Variants in LRRC7 observed in about 807,000 individuals in gnomAD.
LRRC7 encodes the protein leucine rich repeat containing 7.
Under a neutral mutation model 175.7 loss-of-function variants are expected in LRRC7, and 23 were observed. The ratio of observed to expected loss-of-function variants is 0.13; its 90% confidence interval spans 0.09 to 0.19. LRRC7 has a LOEUF of 0.19. LRRC7 is among the 10% of genes least tolerant of loss of function. The probability of loss-of-function intolerance (pLI) is 1.00; values close to 1 mark genes in which losing one functional copy is unlikely to be tolerated. For synonymous variants in LRRC7, 685 were observed against 680.9 expected, an observed-to-expected ratio of 1.01 and a Z score of -0.09; for missense variants, 1,354 against 1,904.7, an observed-to-expected ratio of 0.71 and a Z score of 5.38.
chr1:70,055,441 T>C (rs772455666), intron 23 of LRRC7, among the ~76,000 whole-genome samples: 3 of 152,214 alleles, frequency 2.0e-5, no homozygotes. Context: ...GATTCTATAG[T>C]AATTCAGGTG....
intron 7 of LRRC7, among the ~76,000 whole-genome samples, chr1:69,913,821 C>T (rs1353724457): frequency 1.3e-5 from 2 of 152,114 alleles, no homozygotes; most frequent in Non-Finnish European, 2.9e-5. Flanking sequence ...CCTGAGTTTG[C>T]ATTTTTAAAG....
At chr1:69,717,056 T>C (rs1054699378) in intron 2 of LRRC7, among the ~76,000 whole-genome samples, 1 of 142,200 alleles carries the variant, frequency 7.0e-6, no homozygotes, top group African/African-American at 2.6e-5. Context: ...CATATATATC[T>C]ACATATATAC....
intron 1 of LRRC7, among the ~76,000 whole-genome samples, chr1:69,668,034 T>G (rs182983295): frequency 6.6e-6 from 1 of 152,310 alleles, no homozygotes; most frequent in African/African-American, 2.4e-5. Flanking sequence ...TATAACCCAT[T>G]ATTTTAAGCT....
intron 2 of LRRC7, among the ~76,000 whole-genome samples, chr1:69,758,893 T>G (rs1398790422): frequency 3.3e-5 from 5 of 152,052 alleles, no homozygotes; most frequent in African/African-American, 1.2e-4. Flanking sequence ...GCAATAAATT[T>G]GTGTTACTAA....
chr1:70,016,146 G>A (rs80085463), intron 13 of LRRC7, among the ~76,000 whole-genome samples: 3,020 of 152,218 alleles, frequency 0.02, 112 homozygotes, highest in African/African-American at 0.069. Context: ...AGAGCAGGCC[G>A]ATAGAGCCAG....
intron 15 of LRRC7, chr1:70,020,784 A>T (rs1657404310): frequency 3.6e-6 from 1 of 281,642 alleles, no homozygotes; most frequent in South Asian, 6.4e-5. Flanking sequence ...TGAGTATTTT[A>T]GGAATACTGA....
intron 22 of LRRC7, among the ~76,000 whole-genome samples, chr1:70,050,038 A>G (rs1229617526): frequency 2.0e-5 from 3 of 152,066 alleles, no homozygotes; most frequent in African/African-American, 7.2e-5. Context: ...TACACCCATC[A>G]ATTAGCAAAG....
In LRRC7 at chr1:69,997,376, A is replaced by C. The variant is rs532449739; in HGVS notation, c.1004+2743A>C. ...GACAATTTGACTTCCTCTTTTCCTA[A>C]TTGAATACCCTTTATTTCCTTCTCC... is the stretch of plus-strand genomic sequence containing the variant. On this transcript the variant is annotated intron_variant, in intron 11 of 26. Coordinates refer to ENST00000651989, the MANE Select transcript of LRRC7 (RefSeq NM_001370785.2). 7.4e-3 allele frequency among the ~76,000 whole-genome samples: 1,107 copies of C among 149,186 alleles called. 11 individuals carry two copies. Among genetic ancestry groups the C allele is most frequent in the African/African-American group, 0.024 (984 of 40,856 alleles).
chr1:69,720,025 A>G (rs1445180637), intron 2 of LRRC7, among the ~76,000 whole-genome samples: 3 of 151,642 alleles, frequency 2.0e-5, no homozygotes, highest in Middle Eastern at 3.4e-3. Context: ...TCTTGTAAGC[A>G]TCTTATAGTA....
chr1:69,693,871 AACAGT>A (rs1393479698), intron 2 of LRRC7, among the ~76,000 whole-genome samples: 3 of 152,298 alleles, frequency 2.0e-5, no homozygotes, highest in African/African-American at 7.2e-5. Context: ...GGCACTATTT[AACAGT>A]ACTTTGTATT....
At chr1:69,994,691 A>C in intron 11 of LRRC7, 58 bp downstream of exon 11, 1 of 1,170,324 alleles carries the variant, frequency 8.5e-7, no homozygotes, top group South Asian at 1.3e-5. Flanking sequence ...TAAAGGATAT[A>C]TTGAGTTTTC....
intron 1 of LRRC7, among the ~76,000 whole-genome samples, chr1:69,644,578 A>G (rs577543392): frequency 3.9e-5 from 6 of 152,050 alleles, no homozygotes; most frequent in African/African-American, 1.2e-4. Context: ...TTTTAACCAT[A>G]TGGTTTCACT....
In LRRC7 at chr1:69,884,677, C is replaced by G. The variant is rs1223346486; in HGVS notation, c.647+46394C>G. Among the ~76,000 whole-genome samples, 62 of 141,882 alleles carry G rather than the reference C, an allele frequency of 4.4e-4. 1 individual carries two copies. The highest frequency in any genetic ancestry group is 1.5e-3 in the African/African-American group (56 of 36,130). 93.1% of individuals were successfully genotyped at this position (141,882 alleles called of 152,430 possible). On this transcript the variant is annotated intron_variant, in intron 7 of 26. Coordinates refer to ENST00000651989, the MANE Select transcript of LRRC7 (RefSeq NM_001370785.2). Reference sequence around the variant, plus strand: ...GTTGAATAGGAGTGGTGAGAGAGGGCATCCCTGTCTTGTGCCAGTTTTCAA... The same window carrying G: ...GTTGAATAGGAGTGGTGAGAGAGGGGATCCCTGTCTTGTGCCAGTTTTCAA...
chr1:69,792,043 C>A lies in LRRC7; in HGVS notation c.304C>A (p.Gln102Lys), dbSNP rs1319089924. ...DANQIEELPK[Q>K]LFNCQALRKL... ...AATTAATGATTATTTTCTATTACAG[C>A]AATTGTTCAACTGTCAAGCTCTACG... Residue 102 changes from glutamine (Q) to lysine (K), a missense_variant and splice_region_variant, in exon 4 of 27, where the codon CAA (glutamine) becomes AAA (lysine). By Grantham distance (53) the Gln-to-Lys change is moderately conservative (BLOSUM62 1). Transcript: ENST00000651989. 7 of 1,557,040 alleles carry A rather than the reference C, an allele frequency of 4.5e-6. No homozygotes were observed. The highest frequency in any genetic ancestry group is 6.2e-6 in the Non-Finnish European group (7 of 1,135,284).
At chr1:69,932,890 C>T (rs1647532783) in intron 8 of LRRC7, among the ~76,000 whole-genome samples, 1 of 152,238 alleles carries the variant, frequency 6.6e-6, no homozygotes, top group South Asian at 2.1e-4. Flanking sequence ...CTGTCTGCAG[C>T]TGATGCTGCG....
intron 7 of LRRC7, among the ~76,000 whole-genome samples, chr1:69,892,543 CG>C (rs1429023545): frequency 6.6e-5 from 10 of 152,132 alleles, no homozygotes; most frequent in African/African-American, 2.4e-4. Context: ...TACATGAAAT[CG>C]TATGAATTAC....
intron 24 of LRRC7, among the ~76,000 whole-genome samples, chr1:70,084,988 T>C (rs1203768170): frequency 6.6e-6 from 1 of 152,166 alleles, no homozygotes; most frequent in African/African-American, 2.4e-5. Flanking sequence ...ATTTTTAAAT[T>C]TGGATGTCTT....
At chr1:69,715,760 AT>A (rs1220695765) in intron 2 of LRRC7, among the ~76,000 whole-genome samples, 1 of 151,984 alleles carries the variant, frequency 6.6e-6, no homozygotes, top group Non-Finnish European at 1.5e-5. Flanking sequence ...ATTATAAAAT[AT>A]TTTTTAAATT....
Position 70,107,777 on chromosome 1 carries a change from C to T in LRRC7, c.4571C>T (p.Pro1524Leu). 1 of 1,613,292 alleles carries T rather than the reference C, an allele frequency of 6.2e-7. No individual in the cohort carries two copies. The highest frequency in any genetic ancestry group is 1.1e-5 in the South Asian group (1 of 90,996). Residue 1524 changes from proline to leucine, a missense_variant, in exon 26 of 27, where the codon CCT becomes CTT. Physicochemically the swap from Pro to Leu is moderately conservative, Grantham distance 98. Around this residue, in one of 4 missense-constraint regions of LRRC7, gnomAD observed 53 missense variants for 112.6 expected, o/e 0.47. Coordinates refer to ENST00000651989, the MANE Select transcript of LRRC7 (RefSeq NM_001370785.2). The stretch of plus-strand genomic sequence containing the variant: ...GGTATCTTTGTTACTAGGGTTCAGC[C>T]TGATGGGCCAGCATCAAACCTACTG... ...DKGIFVTRVQ[P>L]DGPASNLLQP...
Sources: allele counts gnomAD v4.1 joint callset (sites outside exome capture counted in the v4.1 genomes callset), GRCh38; gene constraint gnomAD v4.1.1; regional missense constraint gnomAD v4.1.1; transcripts MANE v1.5; gene names NCBI Gene and HGNC (gene_info 2026-07-23, HGNC 2026-07-21).